FAT1: variants seen among roughly 807,000 people sequenced by gnomAD.
FAT1 encodes FAT atypical cadherin 1.
Under a neutral mutation model 329.8 loss-of-function variants are expected in FAT1, and 171 were observed. The ratio of observed to expected loss-of-function variants is 0.52; its 90% CI spans 0.46 to 0.59. The LOEUF is 0.59. FAT1 is among the 20% of genes least tolerant of loss of function. The probability of loss-of-function intolerance (pLI) is 0.00; values close to 1 mark genes in which losing one functional copy is unlikely to be tolerated. For missense variants in FAT1, 5,672 were observed against 5,774.4 expected (o/e 0.98, Z 0.57); for synonymous variants, 2,233 against 2,228.6 (o/e 1.00, Z -0.06).
At chr4:186,718,892 T>G (rs536360051) in intron 1 of FAT1, among the ~76,000 whole-genome samples, 1 of 152,202 alleles carries the variant, frequency 6.6e-6, no homozygotes, top group South Asian at 2.1e-4. Context: ...CACAAGCTAA[T>G]GTCAAACCAA....
In FAT1 at chr4:186,605,426, G is replaced by A. The variant is rs190984059; in HGVS notation, c.10350+644C>T. ...TGGGGAGGAAGTGGAGTAGGGAGGA[G>A]GTTGGGGGAGGAGGTGGAGTGGGGA... On this transcript the variant is annotated intron_variant, in intron 17 of 26. Transcript: ENST00000441802. 2.6e-3 allele frequency among the ~76,000 whole-genome samples: 349 copies of A among 131,912 alleles called. 1 individual carries two copies. The highest frequency in any genetic ancestry group is 9.0e-3 in the African/African-American group (308 of 34,172). 86.5% of individuals were successfully genotyped at this position (131,912 alleles called of 152,430 possible).
rs757555450 is a variant in FAT1, at chr4:186,620,812, T to C, written c.5774A>G (p.Glu1925Gly). The C allele has an allele frequency of 1.9e-6, 3 of 1,614,044 alleles. No individual in the cohort carries two copies. Among genetic ancestry groups the C allele is most frequent in the Non-Finnish European group, 2.5e-6 (3 of 1,179,898 alleles). The part of the protein sequence containing the change: ...IYSITEGNIG[E>G]KFSMDYKTGA... Reference sequence around the variant, plus strand: ...AGTCTTGTAGTCCATAGAAAACTTCTCCCCGATGTTGCCTTCGGTGATGGA... The same window carrying C: ...AGTCTTGTAGTCCATAGAAAACTTCCCCCCGATGTTGCCTTCGGTGATGGA... The change falls in exon 10 of 27, where the codon GAG becomes GGG. Residue 1925 changes from glutamate to glycine, a missense_variant. Around this residue, in one of 2 missense-constraint regions of FAT1, gnomAD observed 3,966 missense variants for 3,915.2 expected, o/e 1.01. Coordinates refer to ENST00000441802, the MANE Select transcript of FAT1 (RefSeq NM_005245.4).
At chr4:186,706,539 TG>T in intron 2 of FAT1, 23 bp downstream of exon 2, 3 of 1,553,370 alleles carry the variant, frequency 1.9e-6, no homozygotes, top group Non-Finnish European at 2.6e-6. Context: ...GGGCATCAAA[TG>T]AGAGCAATAA....
At chr4:186,703,341 C>T (rs1425235070) in intron 2 of FAT1, among the ~76,000 whole-genome samples, 3 of 152,104 alleles carry the variant, frequency 2.0e-5, no homozygotes, top group Non-Finnish European at 4.4e-5. Context: ...CAGAAAACTA[C>T]GTTTCAGAGG....
chr4:186,655,827 G>A (rs997473792), intron 3 of FAT1, among the ~76,000 whole-genome samples: 1 of 152,106 alleles, frequency 6.6e-6, no homozygotes, highest in Non-Finnish European at 1.5e-5. Context: ...AAAAAGATGA[G>A]GAAAAAACCA....
intron 20 of FAT1, 136 bp downstream of exon 20, chr4:186,602,767 T>C (rs1251666441): frequency 2.0e-6 from 2 of 995,946 alleles, no homozygotes; most frequent in South Asian, 3.5e-5. Context: ...CTGTCATTCT[T>C]TATTCATCTC....
Position 186,707,061 on chromosome 4 carries a change from T to G in FAT1, c.2767A>C (p.Asn923His), listed in dbSNP as rs2126685241. ...VKVSLEDVNDNPPTFIPPNYR... is the reference protein window; with the variant it reads ...VKVSLEDVNDHPPTFIPPNYR... ...TTAGGTGGAATAAATGTAGGTGGGT[T>G]GTCATTAACATCTTCTAGTGATACT... is the stretch of plus-strand genomic sequence containing the variant. Residue 923 changes from asparagine (N) to histidine (H), a missense_variant, in exon 2 of 27, where the codon AAC (asparagine) becomes CAC (histidine). Coordinates refer to ENST00000441802, the MANE Select transcript of FAT1 (RefSeq NM_005245.4). 1 of 1,613,984 alleles carries G rather than the reference T, an allele frequency of 6.2e-7. No individual in the cohort carries two copies. Among genetic ancestry groups the G allele is most frequent in the Non-Finnish European group, 8.5e-7 (1 of 1,179,874 alleles).
At chr4:186,679,669 G>A (rs1743123888) in intron 2 of FAT1, among the ~76,000 whole-genome samples, 1 of 151,162 alleles carries the variant, frequency 6.6e-6, no homozygotes, top group South Asian at 2.1e-4. Flanking sequence ...AATATTTCCA[G>A]CTCATGACAG....
intron 2 of FAT1, among the ~76,000 whole-genome samples, chr4:186,690,702 T>C (rs1444075236): frequency 6.6e-6 from 1 of 151,196 alleles, no homozygotes; most frequent in Non-Finnish European, 1.5e-5. Context: ...AAAAAAAAAA[T>C]CTAGTAGCCC....
At position 186,618,319 on chromosome 4, in the gene FAT1, T is replaced by C. The variant is rs1739825838; in HGVS notation, c.8267A>G (p.Gln2756Arg). The change falls in exon 10 of 27, where the codon CAG becomes CGG. Residue 2756 changes from glutamine (Q) to arginine (R), a missense_variant. Transcript: ENST00000441802. ...CTTCTCCAACTTCAGTCTCCCGCTC[T>C]GTCTGTCAATCACAAAGGACTCATC... ...NRDESFVIDR[Q>R]SGRLKLEKSL... The C allele has an allele frequency of 1.2e-6, 2 of 1,613,948 alleles. No homozygotes were observed. Among genetic ancestry groups the C allele is most frequent in the Non-Finnish European group, 1.7e-6 (2 of 1,179,906 alleles).
intron 2 of FAT1, among the ~76,000 whole-genome samples, chr4:186,705,386 G>C (rs1744530384): frequency 6.6e-6 from 1 of 151,984 alleles, no homozygotes; most frequent in Non-Finnish European, 1.5e-5. Context: ...AAAGTTTAAA[G>C]GTAATTTTAA....
At chr4:186,637,154 C>T (rs1330968573) in intron 4 of FAT1, among the ~76,000 whole-genome samples, 1 of 152,062 alleles carries the variant, frequency 6.6e-6, no homozygotes, top group African/African-American at 2.4e-5. Flanking sequence ...CAGCTGCACC[C>T]CTGCGCGCCT....
At chr4:186,659,936 C>T (rs1022239895) in intron 3 of FAT1, among the ~76,000 whole-genome samples, 12 of 151,788 alleles carry the variant, frequency 7.9e-5, no homozygotes, top group Admixed American at 6.6e-4. Context: ...GTCCCCTGAA[C>T]GACGCTGGGC....
At chr4:186,686,772 GTCTA>G (rs1743490266) in intron 2 of FAT1, among the ~76,000 whole-genome samples, 1 of 152,164 alleles carries the variant, frequency 6.6e-6, no homozygotes, top group Non-Finnish European at 1.5e-5. Flanking sequence ...CCATGAAACA[GTCTA>G]TCTGTTTGGA....
intron 1 of FAT1, among the ~76,000 whole-genome samples, chr4:186,721,520 G>A (rs571949352): frequency 1.0e-3 from 153 of 152,344 alleles, no homozygotes; most frequent in African/African-American, 3.6e-3. Flanking sequence ...CACTCATAAA[G>A]ATTAAACAGC....
intron 2 of FAT1, among the ~76,000 whole-genome samples, chr4:186,702,379 A>C (rs1744372185): frequency 6.6e-6 from 1 of 152,224 alleles, no homozygotes; most frequent in South Asian, 2.1e-4. Context: ...AATGAAAAAC[A>C]CGGGCTCCCC....
rs900599995 is a variant in FAT1 at position 186,709,601 on chromosome 4, G to C, written c.227C>G (p.Ser76Cys). 2 of 1,613,784 alleles carry C rather than the reference G, an allele frequency of 1.2e-6. No individual in the cohort carries two copies. The highest frequency in any genetic ancestry group is 1.7e-6 in the Non-Finnish European group (2 of 1,179,882). ...TTTGAACAGGTTTTCACTGTCTCCG[G>C]AAACAATTTTGTACCTTACTTCCCA... Reference protein sequence around the residue: ...PAWEVRYKIVSGDSENLFKAE... With the variant: ...PAWEVRYKIVCGDSENLFKAE... The change falls in exon 2 of 27, where the codon TCC becomes TGC. Residue 76 changes from serine to cysteine, a missense_variant. By Grantham distance (112) the Ser-to-Cys change is moderately radical (BLOSUM62 -1). This residue lies in a region of FAT1 where 3,966 missense variants were observed against 3,915.2 expected (regional missense o/e 1.01). Coordinates refer to ENST00000441802, the MANE Select transcript of FAT1 (RefSeq NM_005245.4).
chr4:186,597,220 C>A (rs368427985), intron 24 of FAT1, 49 bp from the exon 25 acceptor site: 1 of 1,500,854 alleles, frequency 6.7e-7, no homozygotes, highest in African/African-American at 1.4e-5. Flanking sequence ...CATACGCCAG[C>A]GTATGTCAGG....
At chr4:186,664,859 G>T (rs1276590822) in intron 2 of FAT1, among the ~76,000 whole-genome samples, 2 of 152,118 alleles carry the variant, frequency 1.3e-5, no homozygotes, top group Non-Finnish European at 2.9e-5. Flanking sequence ...CCCGTTAAAC[G>T]CAAACTACTG....
Sources: gnomAD v4.1 joint callset for allele counts (sites outside exome capture counted in the v4.1 genomes callset) on GRCh38, gnomAD v4.1.1 for gene constraint, gnomAD v4.1.1 regional missense constraint, MANE v1.5 for transcripts, NCBI Gene and HGNC (gene_info 2026-07-23, HGNC 2026-07-21) for gene names.